The following ST3GAL3 variants were observed in gnomAD, a reference collection of about 807,000 sequenced individuals.
ST3GAL3 encodes the protein ST3 beta-galactoside alpha-2,3-sialyltransferase 3, also known as CMP-N-acetylneuraminate-beta-1,4-galactoside alpha-2,3-sialyltransferase.
A neutral mutation model predicts 50.1 loss-of-function variants in ST3GAL3; 21 were observed. The observed-to-expected ratio is 0.42, with a 90% confidence interval of 0.30 to 0.60. The LOEUF is 0.60. ST3GAL3 is among the 20% of genes least tolerant of loss of function. The pLI is 0.19. For missense variants in ST3GAL3, 353 were observed against 489.4 expected, an observed-to-expected ratio of 0.72 and a Z score of 2.63; for synonymous variants, 183 against 190.0, an observed-to-expected ratio of 0.96 and a Z score of 0.30.
At chr1:43,869,035 A>G (rs556897090) in intron 5 of ST3GAL3, among the ~76,000 whole-genome samples, 15 of 152,266 alleles carry the variant, frequency 9.9e-5, no homozygotes, top group African/African-American at 2.9e-4. Context: ...CTTTGGGCCT[A>G]TCTTCAGCCC....
chr1:43,887,238 C>T (rs909652450), intron 5 of ST3GAL3, among the ~76,000 whole-genome samples: 6 of 152,100 alleles, frequency 3.9e-5, no homozygotes, highest in African/African-American at 1.4e-4. Flanking sequence ...TGTGTGTTCT[C>T]GCAGCCCCTC....
Position 43,899,296 on chromosome 1 carries a change from G to A in ST3GAL3, c.557+33G>A. On this transcript the variant is annotated intron_variant, in intron 8 of 11. Transcript: ENST00000347631. The surrounding 1 kb of genome is among the most constrained non-coding windows in gnomAD (Gnocchi z 5.4). The stretch of plus-strand genomic sequence containing the variant: ...CCCCAAAATGGCACCTCGGGTGAGT[G>A]TCGTGGCCCCAACCCTTAGTCCTGA... 6.2e-7 allele frequency: 1 copy of A among 1,614,192 alleles called. No individual in the cohort carries two copies. The highest frequency in any genetic ancestry group is 1.3e-5 in the African/African-American group (1 of 75,072).
chr1:43,797,825 C>T (rs1265627787), intron 3 of ST3GAL3, among the ~76,000 whole-genome samples: 1 of 152,130 alleles, frequency 6.6e-6, no homozygotes, highest in Non-Finnish European at 1.5e-5. Flanking sequence ...TGATTGCCTA[C>T]ATAGGAAATC....
At chr1:43,894,166 G>C (rs1438087889) in intron 5 of ST3GAL3, 2 of 587,094 alleles carry the variant, frequency 3.4e-6, no homozygotes, top group African/African-American at 3.7e-5. Flanking sequence ...GCCAAATAAA[G>C]ACTGACCAGG....
chr1:43,731,593 T>C (rs1309776298), intron 1 of ST3GAL3, among the ~76,000 whole-genome samples: 4 of 150,668 alleles, frequency 2.7e-5, no homozygotes, highest in Non-Finnish European at 5.9e-5. Flanking sequence ...GAGATGGGGT[T>C]TCACTGTGTT....
chr1:43,778,644 CTTTTTTTT>C (rs35726867), intron 2 of ST3GAL3, among the ~76,000 whole-genome samples: 5 of 118,704 alleles, frequency 4.2e-5, no homozygotes, highest in African/African-American at 9.5e-5. Flanking sequence ...TTCTTTTTTT[CTTTTTTTT>C]TTTTTTTTTT....
At chr1:43,917,472 T>C (rs2082031565) in intron 9 of ST3GAL3, among the ~76,000 whole-genome samples, 1 of 87,396 alleles carries the variant, frequency 1.1e-5, no homozygotes, top group Admixed American at 2.1e-4. Flanking sequence ...ATATAATATA[T>C]AATATATATA....
intron 2 of ST3GAL3, 110 bp downstream of exon 2, chr1:43,736,490 C>G: frequency 6.3e-7 from 1 of 1,592,948 alleles, no homozygotes; most frequent in Non-Finnish European, 8.6e-7. Flanking sequence ...TGAGAGTAAA[C>G]TGAACATTTC....
At chr1:43,772,323 C>T (rs751166915) in intron 2 of ST3GAL3, 66 of 302,644 alleles carry the variant, frequency 2.2e-4, no homozygotes, top group Non-Finnish European at 3.8e-4. Flanking sequence ...GCTGGGATTA[C>T]AGGCATGAGC....
At chr1:43,734,537 A>G (rs573304514) in intron 1 of ST3GAL3, among the ~76,000 whole-genome samples, 1 of 151,900 alleles carries the variant, frequency 6.6e-6, no homozygotes, top group South Asian at 2.1e-4. Flanking sequence ...CTCAAACTCC[A>G]GGGCTCAAGC....
intron 11 of ST3GAL3, chr1:43,921,466 G>T: frequency 2.5e-6 from 1 of 404,114 alleles, no homozygotes; most frequent in South Asian, 1.2e-4. Context: ...TGGAAAATCT[G>T]AACCCTTCTG....
At chr1:43,850,312 G>T in intron 5 of ST3GAL3, 1 of 587,356 alleles carries the variant, frequency 1.7e-6, no homozygotes, top group Non-Finnish European at 3.0e-6. Flanking sequence ...AAGTCAGGCA[G>T]GCCAGGCAGA....
At chr1:43,743,301 G>A (rs1023767498) in intron 2 of ST3GAL3, among the ~76,000 whole-genome samples, 1 of 127,352 alleles carries the variant, frequency 7.9e-6, no homozygotes, top group African/African-American at 2.6e-5. Flanking sequence ...AAAAAACCTA[G>A]GTACATCATA....
chr1:43,906,232 C>T (rs2079614453), intron 9 of ST3GAL3, among the ~76,000 whole-genome samples: 1 of 138,232 alleles, frequency 7.2e-6, no homozygotes, highest in African/African-American at 2.8e-5. Flanking sequence ...TCCCCCTCCT[C>T]CTGCTCCTCT....
chr1:43,920,933 G>T lies in ST3GAL3; in HGVS notation c.1038+5G>T. 6.2e-7 allele frequency: 1 copy of T among 1,606,032 alleles called. No homozygotes were observed. Among genetic ancestry groups the T allele is most frequent in the South Asian group, 1.1e-5 (1 of 90,120 alleles). On this transcript the variant is annotated splice_donor_5th_base_variant and intron_variant, in intron 11 of 11. Coordinates refer to ENST00000347631, the MANE Select transcript of ST3GAL3 (RefSeq NM_006279.5). ...CGCATGGCAGCCATCAAAGAGGTTC[G>T]GGGCTGGGTATGGGGGCAATCCCTG...
At chr1:43,720,086 T>C (rs1571324505) in intron 1 of ST3GAL3, among the ~76,000 whole-genome samples, 9 of 150,422 alleles carry the variant, frequency 6.0e-5, no homozygotes, top group Admixed American at 4.6e-4. Context: ...TTACAAAAAA[T>C]AGAATAATTG....
At chr1:43,730,019 T>C (rs939813878) in intron 1 of ST3GAL3, among the ~76,000 whole-genome samples, 1 of 152,236 alleles carries the variant, frequency 6.6e-6, no homozygotes, top group African/African-American at 2.4e-5. Flanking sequence ...AGTTTGAAAT[T>C]ACATCTCTCA....
At chr1:43,707,745 G>C (rs1225610563) in intron 1 of ST3GAL3, 52 bp downstream of exon 1, 2 of 152,000 alleles carry the variant, frequency 1.3e-5, no homozygotes, top group East Asian at 1.9e-4. Context: ...CGCGAATAAC[G>C]GTCGCCGCTC....
intron 11 of ST3GAL3, among the ~76,000 whole-genome samples, chr1:43,923,314 C>T (rs757847379): frequency 6.6e-6 from 1 of 150,640 alleles, no homozygotes; most frequent in Non-Finnish European, 1.5e-5. Context: ...AGACAGCCTT[C>T]TCTTCTCACT....
Sources: gnomAD v4.1 joint callset for allele counts (sites outside exome capture counted in the v4.1 genomes callset) on GRCh38, gnomAD v4.1.1 for gene constraint, Gnocchi (gnomAD v3.1) non-coding constraint, MANE v1.5 for transcripts, NCBI Gene and HGNC (gene_info 2026-07-23, HGNC 2026-07-21) for gene names.